The following HORMAD2 variants were observed in gnomAD, a reference collection of about 807,000 sequenced individuals.
HORMAD2 encodes the protein HORMA domain-containing protein 2.
In HORMAD2, 45 loss-of-function variants were observed where a neutral mutation model predicts 38.8. That is an observed-to-expected ratio of 1.16 (90% CI 0.91 to 1.49). HORMAD2 has a LOEUF of 1.49. HORMAD2 is among the 40% of genes most tolerant of loss of function. The pLI is 0.00. For synonymous variants in HORMAD2, 126 were observed against 122.8 expected (o/e 1.03, Z -0.17); for missense variants, 338 against 367.0 (o/e 0.92, Z 0.65).
intron 10 of HORMAD2, among the ~76,000 whole-genome samples, chr22:30,174,106 G>A (rs551170553): frequency 1.3e-5 from 2 of 152,264 alleles, no homozygotes; most frequent in Admixed American, 6.5e-5. Context: ...TTGGTAAACA[G>A]ATCATAGTAG....
chr22:30,098,067 T>G (rs1200142699), intron 2 of HORMAD2, among the ~76,000 whole-genome samples: 3 of 152,150 alleles, frequency 2.0e-5, no homozygotes, highest in African/African-American at 7.2e-5. Flanking sequence ...AGACTTGGGA[T>G]CAGGTTTTAG....
At chr22:30,095,954 C>A (rs1748526764) in intron 2 of HORMAD2, among the ~76,000 whole-genome samples, 1 of 152,112 alleles carries the variant, frequency 6.6e-6, no homozygotes, top group South Asian at 2.1e-4. Context: ...TTACCTCTCC[C>A]CACCAAGAGA....
chr22:30,107,951 C>A (rs1263372636), intron 5 of HORMAD2, among the ~76,000 whole-genome samples: 7 of 148,986 alleles, frequency 4.7e-5, no homozygotes, highest in African/African-American at 1.7e-4. Context: ...TCACTGCAAC[C>A]TCTGCCTCCC....
At chr22:30,153,204 C>A (rs1192078559) in intron 10 of HORMAD2, among the ~76,000 whole-genome samples, 1 of 152,112 alleles carries the variant, frequency 6.6e-6, no homozygotes, top group African/African-American at 2.4e-5. Flanking sequence ...CCTGTTCTTA[C>A]TGCCAAAACT....
At chr22:30,088,102 C>CATAT (rs2068608482) in intron 1 of HORMAD2, among the ~76,000 whole-genome samples, 2 of 151,344 alleles carry the variant, frequency 1.3e-5, no homozygotes, top group Non-Finnish European at 2.9e-5. Flanking sequence ...CACACACGTA[C>CATAT]ACACGTGTAC....
chr22:30,148,424 G>C (rs969488227), intron 10 of HORMAD2, among the ~76,000 whole-genome samples: 1 of 152,082 alleles, frequency 6.6e-6, no homozygotes, highest in African/African-American at 2.4e-5. Context: ...TTTTTAGGGT[G>C]ATGAGATGTT....
At chr22:30,083,908 G>A (rs763778128) in intron 1 of HORMAD2, among the ~76,000 whole-genome samples, 8 of 152,250 alleles carry the variant, frequency 5.3e-5, no homozygotes, top group Non-Finnish European at 8.8e-5. Flanking sequence ...TAGGCAAGCC[G>A]AAGAACTAAG....
downstream of HORMAD2, among the ~76,000 whole-genome samples, chr22:30,179,619 TGCAATTAGAGTTTTGCCGTCTGGGAGGA>T (rs1428540493): frequency 2.6e-5 from 4 of 152,230 alleles, no homozygotes; most frequent in East Asian, 7.7e-4. Context: ...ACAATATCTC[TGCAATTAGAGTTTTGCCGTCTGGGAGGA>T]GCAAACTCAG....
At chr22:30,175,420 C>T (rs1436844121) in intron 10 of HORMAD2, among the ~76,000 whole-genome samples, 2 of 148,202 alleles carry the variant, frequency 1.3e-5, no homozygotes, top group Non-Finnish European at 3.0e-5. Context: ...ATATAAATGT[C>T]CTCTATCTGT....
the HORMAD2 span, chr22:30,206,991 C>T: frequency 4.0e-5 from 18 of 455,658 alleles, no homozygotes; most frequent in East Asian, 2.9e-4. Flanking sequence ...TTAGGGACTT[C>T]GGCAGAGACA....
At chr22:30,136,453 C>T (rs1310574118) in intron 10 of HORMAD2, among the ~76,000 whole-genome samples, 1 of 152,018 alleles carries the variant, frequency 6.6e-6, no homozygotes, top group Non-Finnish European at 1.5e-5. Flanking sequence ...TAGCTTTCAC[C>T]TTCCTGTCTT....
At chr22:30,091,699 A>C (rs1300700912) in intron 1 of HORMAD2, among the ~76,000 whole-genome samples, 1 of 152,124 alleles carries the variant, frequency 6.6e-6, no homozygotes, top group Admixed American at 6.6e-5. Context: ...CTTTTGGATA[A>C]ATACCCAATA....
At chr22:30,124,372 A>C (rs1413555457) in intron 10 of HORMAD2, among the ~76,000 whole-genome samples, 1 of 152,190 alleles carries the variant, frequency 6.6e-6, no homozygotes, top group Non-Finnish European at 1.5e-5. Flanking sequence ...AATAGACTAC[A>C]TAAAAATATG....
chr22:30,177,138 C>G (rs1926504509), downstream of HORMAD2: 2 of 152,324 alleles, frequency 1.3e-5, no homozygotes, highest in Admixed American at 6.5e-5. Context: ...ACATCAGTAT[C>G]TCTCCAAATG....
At position 30,176,345 on chromosome 22, in the gene HORMAD2, C is replaced by T. The variant is rs1370172851; in HGVS notation, c.*178C>T. 4 of 555,850 alleles carry T rather than the reference C, an allele frequency of 7.2e-6. No individual in the cohort carries two copies. Among genetic ancestry groups the T allele is most frequent in the Non-Finnish European group, 9.6e-6 (3 of 313,056 alleles). 34.4% of individuals were successfully genotyped at this position (555,850 alleles called of 1,614,324 possible). A position where few individuals can be genotyped will look rare whatever the true frequency, so the allele number is the denominator to read the frequency against. Reference sequence around the variant, plus strand: ...ACTGGCCAGGTAGGACGCGAGTCCACTTTGCCATAAGGAAAGCGGGTCAAT... The same window carrying T: ...ACTGGCCAGGTAGGACGCGAGTCCATTTTGCCATAAGGAAAGCGGGTCAAT... On this transcript the variant is annotated 3_prime_UTR_variant, in exon 11 of 11. Transcript: ENST00000336726.
At chr22:30,195,149 C>T in the HORMAD2 span, among the ~76,000 whole-genome samples, 2 of 145,752 alleles carry the variant, frequency 1.4e-5, no homozygotes, top group African/African-American at 2.6e-5. Context: ...GCTGAGATTG[C>T]GCCATTGCAC....
chr22:30,197,286 T>C, the HORMAD2 span, among the ~76,000 whole-genome samples: 18 of 152,180 alleles, frequency 1.2e-4, no homozygotes, highest in African/African-American at 4.3e-4. Context: ...CTAAATCTTA[T>C]GATGCTTTTC....
chr22:30,190,438 T>A, the HORMAD2 span, among the ~76,000 whole-genome samples: 1 of 152,334 alleles, frequency 6.6e-6, no homozygotes, highest in East Asian at 1.9e-4. Flanking sequence ...TCAGCCACTA[T>A]CCCTAGCACG....
intron 10 of HORMAD2, among the ~76,000 whole-genome samples, chr22:30,167,044 G>A (rs1925827387): frequency 6.6e-6 from 1 of 152,168 alleles, no homozygotes; most frequent in African/African-American, 2.4e-5. Flanking sequence ...CAATATGAGT[G>A]GTCTGAAATC....
Sources: gnomAD v4.1 joint callset for allele counts (sites outside exome capture counted in the v4.1 genomes callset) on GRCh38, gnomAD v4.1.1 for gene constraint, MANE v1.5 for transcripts, NCBI Gene and HGNC (gene_info 2026-07-23, HGNC 2026-07-21) for gene names.